KIAA1958: variants seen among roughly 807,000 people sequenced by gnomAD.
The protein encoded by KIAA1958 is KIAA1958, also known as uncharacterized protein KIAA1958.
A neutral mutation model predicts 47.2 loss-of-function variants in KIAA1958; 14 were observed. The ratio of observed to expected loss-of-function variants is 0.30; its 90% confidence interval spans 0.20 to 0.46. The LOEUF is 0.46. Ranked by LOEUF, KIAA1958 falls within the 20% of genes least tolerant of loss-of-function variation. KIAA1958 has a pLI of 1.00. For synonymous variants in KIAA1958, 354 were observed against 353.3 expected, an observed-to-expected ratio of 1.00 and a Z score of -0.02; for missense variants, 803 against 909.2, an observed-to-expected ratio of 0.88 and a Z score of 1.50.
At chr9:112,563,410 T>G (rs1225810970) in intron 1 of KIAA1958, among the ~76,000 whole-genome samples, 1 of 152,192 alleles carries the variant, frequency 6.6e-6, no homozygotes, top group African/African-American at 2.4e-5. Flanking sequence ...CTGTTAGCAT[T>G]GTTTTGTTGT....
intron 2 of KIAA1958, among the ~76,000 whole-genome samples, chr9:112,585,361 A>G (rs1835806417): frequency 6.6e-6 from 1 of 152,252 alleles, no homozygotes; most frequent in South Asian, 2.1e-4. Context: ...ACATGGAAGT[A>G]TATTTCAGGT....
intron 1 of KIAA1958, among the ~76,000 whole-genome samples, chr9:112,497,171 C>G (rs1474749251): frequency 6.6e-6 from 1 of 152,066 alleles, no homozygotes; most frequent in South Asian, 2.1e-4. Flanking sequence ...ATATTACAAC[C>G]AGGATATTGA....
intron 2 of KIAA1958, among the ~76,000 whole-genome samples, chr9:112,613,768 CAG>C (rs1836366190): frequency 6.6e-6 from 1 of 152,128 alleles, no homozygotes; most frequent in Non-Finnish European, 1.5e-5. Context: ...GAAAGGTTAA[CAG>C]TATTTAGTGT....
At chr9:112,504,655 C>T (rs1355319889) in intron 1 of KIAA1958, among the ~76,000 whole-genome samples, 1 of 152,036 alleles carries the variant, frequency 6.6e-6, no homozygotes, top group African/African-American at 2.4e-5. Flanking sequence ...CTAATCTTAT[C>T]ATAAAGATAA....
intron 1 of KIAA1958, among the ~76,000 whole-genome samples, chr9:112,540,297 A>G (rs1375806865): frequency 6.6e-6 from 1 of 152,236 alleles, no homozygotes; most frequent in Non-Finnish European, 1.5e-5. Flanking sequence ...ATAGAAAGCC[A>G]TGATGTGTCG....
chr9:112,642,029 T>A (rs1471929248), intron 2 of KIAA1958, among the ~76,000 whole-genome samples: 1 of 152,214 alleles, frequency 6.6e-6, no homozygotes, highest in Non-Finnish European at 1.5e-5. Flanking sequence ...TTGGTGACTG[T>A]CATGCTACTG....
chr9:112,511,213 G>GT (rs1488281337), intron 1 of KIAA1958, among the ~76,000 whole-genome samples: 1 of 152,168 alleles, frequency 6.6e-6, no homozygotes, highest in Non-Finnish European at 1.5e-5. Flanking sequence ...AGCAGCACCA[G>GT]TATCATCTGA....
chr9:112,557,582 G>C (rs1468716781), intron 1 of KIAA1958, among the ~76,000 whole-genome samples: 1 of 152,160 alleles, frequency 6.6e-6, no homozygotes, highest in Non-Finnish European at 1.5e-5. Flanking sequence ...ATTCACAGAG[G>C]TGGATGAAAG....
In KIAA1958 at chr9:112,559,177, A is replaced by G. The variant is rs183762797; in HGVS notation, c.-24-14880A>G. ...GAAGGATGTGTTGGAGTCAAGGGTGACTTGCAGGATTTGGGCTTCAGCATT... is the reference window on the plus strand; with the variant it reads ...GAAGGATGTGTTGGAGTCAAGGGTGGCTTGCAGGATTTGGGCTTCAGCATT... On this transcript the variant is annotated intron_variant, in intron 1 of 3. Coordinates refer to ENST00000337530, the MANE Select transcript of KIAA1958 (RefSeq NM_133465.4). 4.0e-3 allele frequency among the ~76,000 whole-genome samples: 615 copies of G among 152,312 alleles called. 2 individuals are homozygous for G. Among genetic ancestry groups the G allele is most frequent in the Non-Finnish European group, 7.3e-3 (495 of 68,028 alleles).
At chr9:112,559,120 C>G (rs1430280778) in intron 1 of KIAA1958, among the ~76,000 whole-genome samples, 2 of 152,152 alleles carry the variant, frequency 1.3e-5, no homozygotes, top group African/African-American at 4.8e-5. Context: ...TGGAATTGAA[C>G]CAGCCCTGCA....
chr9:112,515,894 T>TAA (rs58492221), intron 1 of KIAA1958, among the ~76,000 whole-genome samples: 5,300 of 97,076 alleles, frequency 0.055, 232 homozygotes, highest in Middle Eastern at 0.1. Context: ...AAAAATAAAT[T>TAA]AAAAAAAAAA....
chr9:112,642,854 CAT>C (rs1341360651), intron 2 of KIAA1958, among the ~76,000 whole-genome samples: 20 of 152,042 alleles, frequency 1.3e-4, no homozygotes, highest in African/African-American at 4.8e-4. Flanking sequence ...ATGAACGAAC[CAT>C]ATATGTCATT....
chr9:112,565,414 T>C (rs1245631026), intron 1 of KIAA1958, among the ~76,000 whole-genome samples: 1 of 152,184 alleles, frequency 6.6e-6, no homozygotes, highest in Non-Finnish European at 1.5e-5. Context: ...TGAATTTCAG[T>C]TTTTAATCAA....
At chr9:112,561,811 T>C (rs531861285) in intron 1 of KIAA1958, among the ~76,000 whole-genome samples, 17 of 152,284 alleles carry the variant, frequency 1.1e-4, no homozygotes, top group Non-Finnish European at 2.9e-5. Context: ...GCCGAGATCG[T>C]GCCATTGCAC....
intron 2 of KIAA1958, among the ~76,000 whole-genome samples, chr9:112,634,201 A>G (rs1027447944): frequency 3.3e-5 from 5 of 152,112 alleles, no homozygotes; most frequent in African/African-American, 1.2e-4. Context: ...TTCCTGGAAT[A>G]TTAATATTTC....
At chr9:112,543,510 G>A (rs1309401815) in intron 1 of KIAA1958, among the ~76,000 whole-genome samples, 1 of 150,200 alleles carries the variant, frequency 6.7e-6, no homozygotes, top group Admixed American at 6.6e-5. Context: ...AAAGGAATTT[G>A]TAAAATGCTT....
chr9:112,516,780 T>G (rs1166340731), intron 1 of KIAA1958, among the ~76,000 whole-genome samples: 1 of 152,194 alleles, frequency 6.6e-6, no homozygotes, highest in Non-Finnish European at 1.5e-5. Context: ...ACAAATTAAA[T>G]TTAACAGAAT....
chr9:112,592,076 TG>T (rs1243833721), intron 2 of KIAA1958, among the ~76,000 whole-genome samples: 1 of 151,342 alleles, frequency 6.6e-6, no homozygotes, highest in Non-Finnish European at 1.5e-5. Context: ...ACAGGGTGAG[TG>T]GTTTGGTAGG....
intron 2 of KIAA1958, among the ~76,000 whole-genome samples, chr9:112,607,002 C>G (rs1304163577): frequency 6.6e-6 from 1 of 152,116 alleles, no homozygotes; most frequent in Admixed American, 6.5e-5. Flanking sequence ...AACCCAGAAC[C>G]ATAGTATATA....
Sources: gnomAD v4.1 joint callset for allele counts (sites outside exome capture counted in the v4.1 genomes callset) on GRCh38, gnomAD v4.1.1 for gene constraint, MANE v1.5 for transcripts, NCBI Gene and HGNC (gene_info 2026-07-23, HGNC 2026-07-21) for gene names.